The following SMAD3 variants were observed in gnomAD, a reference collection of about 807,000 sequenced individuals.
The protein encoded by SMAD3 is SMAD family member 3.
SMAD3 carries 12 observed loss-of-function variants against 51.8 expected under a neutral mutation model. The ratio of observed to expected loss-of-function variants is 0.23; its 90% CI spans 0.15 to 0.38. The LOEUF (loss-of-function observed/expected upper bound fraction) is 0.38. Ranked by LOEUF, SMAD3 falls within the 10% of genes least tolerant of loss-of-function variation. The pLI is 1.00. For missense variants in SMAD3, 294 were observed against 565.6 expected (o/e 0.52, Z 4.87); for synonymous variants, 238 against 227.7 (o/e 1.05, Z -0.41).
intron 1 of SMAD3, among the ~76,000 whole-genome samples, chr15:67,151,513 A>C (rs1595932182): frequency 6.6e-6 from 1 of 151,924 alleles, no homozygotes; most frequent in Non-Finnish European, 1.5e-5. Flanking sequence ...TTGTATTTTT[A>C]GTAGAGACAG....
chr15:67,191,476 T>C lies in SMAD3; in HGVS notation c.*940T>C, dbSNP rs2140329755. On this transcript the variant is annotated 3_prime_UTR_variant, in exon 9 of 9. Coordinates refer to ENST00000327367, the MANE Select transcript of SMAD3 (RefSeq NM_005902.4). Reference sequence around the variant, plus strand: ...TGATGCATACGGCTATATTGGTTTATGTAGTCAGTTGCATTCATTAAATCA... The same window carrying C: ...TGATGCATACGGCTATATTGGTTTACGTAGTCAGTTGCATTCATTAAATCA... 1.3e-5 allele frequency: 3 copies of C among 233,462 alleles called. No homozygotes were observed. In the Middle Eastern group the frequency reaches 3.8e-3, roughly 297 times the overall value. The allele number at this position is 233,462 out of a possible 1,614,324, so 14.5% of individuals were successfully genotyped here. A position where few individuals can be genotyped will look rare whatever the true frequency, so the allele number is the denominator to read the frequency against.
intron 5 of SMAD3, among the ~76,000 whole-genome samples, chr15:67,179,875 G>A (rs905757712): frequency 2.6e-5 from 4 of 152,078 alleles, no homozygotes; most frequent in Non-Finnish European, 5.9e-5. Flanking sequence ...CCATGCTGAG[G>A]GTTAAAGCGA....
At chr15:67,076,142 A>G (rs112894126) in intron 1 of SMAD3, among the ~76,000 whole-genome samples, 3 of 152,334 alleles carry the variant, frequency 2.0e-5, no homozygotes, top group African/African-American at 7.2e-5. Flanking sequence ...AAAAGGATCT[A>G]CTTCAACACA....
At chr15:67,175,194 A>G (rs1962856747) in intron 5 of SMAD3, among the ~76,000 whole-genome samples, 1 of 152,168 alleles carries the variant, frequency 6.6e-6, no homozygotes, top group Non-Finnish European at 1.5e-5. Flanking sequence ...TCCCTGCTTT[A>G]AAGTGAGATG....
chr15:67,163,888 G>A (rs999376565), intron 1 of SMAD3, among the ~76,000 whole-genome samples: 5 of 140,432 alleles, frequency 3.6e-5, no homozygotes, highest in African/African-American at 2.7e-5. Flanking sequence ...GCAGTGAGCC[G>A]AGATCATGCC....
intron 1 of SMAD3, among the ~76,000 whole-genome samples, chr15:67,093,253 C>A (rs1960546269): frequency 6.6e-6 from 1 of 152,184 alleles, no homozygotes; most frequent in Non-Finnish European, 1.5e-5. Flanking sequence ...TGTAAAACCT[C>A]TATGTTGATG....
chr15:67,120,974 T>C (rs1192987771), intron 1 of SMAD3, among the ~76,000 whole-genome samples: 1 of 152,220 alleles, frequency 6.6e-6, no homozygotes, highest in African/African-American at 2.4e-5. Context: ...CGGACACCCC[T>C]GCTTAGAGAA....
rs147508951 is a variant in SMAD3, at chr15:67,135,849, C to T, written c.207-29046C>T. ...GTGGTATTCTACCAGATTTAATAAA[C>T]GTTAATATTTTCCATATTCACATCA... On this transcript the variant is annotated intron_variant, in intron 1 of 8. Transcript: ENST00000327367. Among the ~76,000 whole-genome samples, 352 of 152,282 alleles carry T rather than the reference C, an allele frequency of 2.3e-3. 9 individuals carry two copies. The highest frequency in any genetic ancestry group is 0.021 in the Admixed American group (314 of 15,298).
At chr15:67,116,755 A>C (rs1009194727) in intron 1 of SMAD3, among the ~76,000 whole-genome samples, 4 of 152,066 alleles carry the variant, frequency 2.6e-5, no homozygotes, top group Non-Finnish European at 4.4e-5. Flanking sequence ...AGGGAGCAAG[A>C]CCCTTGGTGA....
At chr15:67,187,126 T>G (rs1234061886) in intron 7 of SMAD3, 6 of 666,292 alleles carry the variant, frequency 9.0e-6, no homozygotes, top group Non-Finnish European at 1.7e-5. Context: ...CATCTCCCCT[T>G]GCAGGTATGT....
chr15:67,086,986 C>G (rs1026506195), intron 1 of SMAD3, among the ~76,000 whole-genome samples: 5 of 151,966 alleles, frequency 3.3e-5, no homozygotes, highest in African/African-American at 4.8e-5. Context: ...ACCTCCACCT[C>G]CCAGGTTCAA....
intron 1 of SMAD3, among the ~76,000 whole-genome samples, chr15:67,080,940 G>T (rs1306141854): frequency 6.6e-6 from 1 of 152,178 alleles, no homozygotes; most frequent in African/African-American, 2.4e-5. Context: ...AGAGGGACTT[G>T]AGTTCTCTCA....
chr15:67,134,171 T>C (rs1961595841), intron 1 of SMAD3, among the ~76,000 whole-genome samples: 1 of 152,056 alleles, frequency 6.6e-6, no homozygotes, highest in Non-Finnish European at 1.5e-5. Flanking sequence ...TTAAGAAACC[T>C]GGTTATTTCC....
chr15:67,131,467 C>G (rs1432929067), intron 1 of SMAD3, among the ~76,000 whole-genome samples: 1 of 152,156 alleles, frequency 6.6e-6, no homozygotes, highest in Non-Finnish European at 1.5e-5. Context: ...TTTTGTTTTA[C>G]TTTTAGGAGC....
At position 67,066,144 on chromosome 15, in the gene SMAD3, C is replaced by T. The variant is rs769421223; in HGVS notation, c.-11C>T. 6.3e-7 allele frequency: 1 copy of T among 1,578,764 alleles called. No homozygotes were observed. Among genetic ancestry groups the T allele is most frequent in the South Asian group, 1.2e-5 (1 of 86,852 alleles). Reference sequence around the variant, plus strand: ...GGGGCGCTCCTCGCCGCCCGCGCGCCCTCCCCAGCCATGTCGTCCATCCTG... The same window carrying T: ...GGGGCGCTCCTCGCCGCCCGCGCGCTCTCCCCAGCCATGTCGTCCATCCTG... On this transcript the variant is annotated 5_prime_UTR_variant, in exon 1 of 9. Coordinates refer to ENST00000327367, the MANE Select transcript of SMAD3 (RefSeq NM_005902.4).
At chr15:67,070,631 T>C (rs1037723669) in intron 1 of SMAD3, among the ~76,000 whole-genome samples, 8 of 150,862 alleles carry the variant, frequency 5.3e-5, no homozygotes, top group African/African-American at 1.5e-4. Context: ...CTAACTGCTA[T>C]CTCTTTCTCA....
intron 1 of SMAD3, chr15:67,125,843 G>A (rs758063123): frequency 5.1e-4 from 504 of 985,444 alleles, no homozygotes; most frequent in Non-Finnish European, 5.7e-4. Context: ...GGCAAGAGCC[G>A]CGGCACTGGG....
Position 67,065,792 on chromosome 15 carries a change from C to G in SMAD3, c.-363C>G, listed in dbSNP as rs1038177650. On this transcript the variant is annotated 5_prime_UTR_variant, in exon 1 of 9. Transcript: ENST00000327367. ...TGGCCGGGGGTTGGACTTTCCTTCC[C>G]GGAGGCGGCACCCAAACAGCTACCC... 7 of 204,222 alleles carry G rather than the reference C, an allele frequency of 3.4e-5. No individual in the cohort carries two copies. The highest frequency in any genetic ancestry group is 7.0e-5 in the Non-Finnish European group (7 of 99,370). The allele number at this position is 204,222 out of a possible 1,614,324, so 12.7% of individuals were successfully genotyped here.
At position 67,192,451 on chromosome 15, in the gene SMAD3, G is replaced by A. The variant is rs961459942; in HGVS notation, c.*1915G>A. 9 of 233,442 alleles carry A rather than the reference G, an allele frequency of 3.9e-5. 1 individual carries two copies. In the East Asian group the frequency reaches 5.4e-4, roughly 14 times the overall value. The allele number at this position is 233,442 out of a possible 1,614,324, so 14.5% of individuals were successfully genotyped here. A position where few individuals can be genotyped will look rare whatever the true frequency, so the allele number is the denominator to read the frequency against. ...TGAGTCTGAAGTATGTGCCTGGTGT[G>A]AAATGATCTATGGCCTGTTTCTTAC... is the stretch of plus-strand genomic sequence containing the variant. On this transcript the variant is annotated 3_prime_UTR_variant, in exon 9 of 9. Coordinates refer to ENST00000327367, the MANE Select transcript of SMAD3 (RefSeq NM_005902.4).
Sources: gnomAD v4.1 joint callset for allele counts (sites outside exome capture counted in the v4.1 genomes callset) on GRCh38, gnomAD v4.1.1 for gene constraint, MANE v1.5 for transcripts, NCBI Gene and HGNC (gene_info 2026-07-23, HGNC 2026-07-21) for gene names.